ADGRV1: variants seen among roughly 807,000 people sequenced by gnomAD.
ADGRV1 encodes the protein G-protein coupled receptor 98.
A neutral mutation model predicts 596.2 loss-of-function variants in ADGRV1; 359 were observed. The ratio of observed to expected loss-of-function variants is 0.60; its 90% confidence interval spans 0.55 to 0.66. The LOEUF (loss-of-function observed/expected upper bound fraction) is 0.66, where lower values mean the gene tolerates loss of function less well. Among genes scored for constraint, ADGRV1 ranks in the 30% least tolerant of loss-of-function variants. The pLI is 0.00. For synonymous variants in ADGRV1, 2,681 were observed against 2,679.2 expected (o/e 1.00, Z -0.02); for missense variants, 7,274 against 7,575.6 (o/e 0.96, Z 1.48).
rs1780417670 is a variant in ADGRV1, at chr5:90,985,500, T to A, written c.18130T>A (p.Tyr6044Asn). The part of the protein sequence containing the change: ...GIYHQSMSQI[Y>N]GLIHGDLCFI... ...CTATCATCAGAGCATGTCACAGATC[T>A]ATGGACTCATTCATGGTGACCTGTA... Residue 6044 changes from tyrosine to asparagine, a missense_variant, in exon 85 of 90, where the codon TAT (tyrosine) becomes AAT (asparagine). This residue lies in a region of ADGRV1 where 1,874 missense variants were observed against 1,970.2 expected (regional missense o/e 0.95). Coordinates refer to ENST00000405460, the MANE Select transcript of ADGRV1 (RefSeq NM_032119.4). 1 of 1,613,808 alleles carries A rather than the reference T, an allele frequency of 6.2e-7. No homozygotes were observed. Among genetic ancestry groups the A allele is most frequent in the Non-Finnish European group, 8.5e-7 (1 of 1,179,712 alleles).
At chr5:90,967,412 A>G (rs553949449) in intron 84 of ADGRV1, among the ~76,000 whole-genome samples, 1 of 152,360 alleles carries the variant, frequency 6.6e-6, no homozygotes, top group African/African-American at 2.4e-5. Flanking sequence ...TTTAAACCAT[A>G]TAACATAAAA....
intron 70 of ADGRV1, among the ~76,000 whole-genome samples, 184 bp from the exon 71 acceptor site, chr5:90,802,555 A>C (rs1249918519): frequency 6.6e-6 from 1 of 152,104 alleles, no homozygotes; most frequent in Non-Finnish European, 1.5e-5. Context: ...TATACTCTAC[A>C]TCTTCCACTC....
rs1025127670 is a variant in ADGRV1 at position 90,977,109 on chromosome 5, C to G, written c.17974-8235C>G. ...GCTAAAATTAGCCTTGTTTCTCGTT[C>G]ATCGTTGATTTAATTTTGGGGGACA... On this transcript the variant is annotated intron_variant, in intron 84 of 89. Transcript: ENST00000405460. Among the ~76,000 whole-genome samples the G allele has an allele frequency of 2.0e-5, 3 of 152,212 alleles. No individual in the cohort carries two copies. The East Asian group carries it at 5.8e-4, about 29-fold the overall frequency.
rs60659185 is a variant in ADGRV1, at chr5:90,809,293, T to TACACACACACACACACACACACACAC, written c.14973-931_14973-906dup. On this transcript the variant is annotated intron_variant, in intron 73 of 89. Transcript: ENST00000405460. ...GTGCTTACTCTAGGCCGGGCATAAA[T>TACACACACACACACACACACACACAC]ACACACACACACACACACACACACA... Among the ~76,000 whole-genome samples, 91 of 134,622 alleles carry TACACACACACACACACACACACACAC rather than the reference T, an allele frequency of 6.8e-4. 1 individual carries two copies. Among genetic ancestry groups the TACACACACACACACACACACACACAC allele is most frequent in the African/African-American group, 1.4e-3 (48 of 35,386 alleles). 88.3% of individuals were successfully genotyped at this position (134,622 alleles called of 152,430 possible). A position where few individuals can be genotyped will look rare whatever the true frequency, so the allele number is the denominator to read the frequency against.
At chr5:90,701,368 C>T (rs1467606302) in intron 34 of ADGRV1, among the ~76,000 whole-genome samples, 6 of 151,900 alleles carry the variant, frequency 3.9e-5, no homozygotes, top group Non-Finnish European at 8.8e-5. Flanking sequence ...CTGATATGTC[C>T]AGTCATTTTT....
rs1581250783 is a variant in ADGRV1, at chr5:90,828,938, TGTCAGGTACCACAGGTTGAAGTGTA to T, written c.16369-5_16388del. The T allele has an allele frequency of 1.3e-6, 2 of 1,532,006 alleles. No individual in the cohort carries two copies. The highest frequency in any genetic ancestry group is 1.4e-5 in the South Asian group (1 of 73,960). 94.9% of individuals were successfully genotyped at this position (1,532,006 alleles called of 1,614,324 possible). On this transcript the variant is annotated splice_acceptor_variant and splice_polypyrimidine_tract_variant and coding_sequence_variant and intron_variant, in exon 77 of 90. Coordinates refer to ENST00000405460, the MANE Select transcript of ADGRV1 (RefSeq NM_032119.4). LOFTEE classifies it high-confidence loss of function. ...GTTGTTTTTTTTTCCTTTTTCTCAT[TGTCAGGTACCACAGGTTGAAGTGTA>T]TTTTTTTGTGGAACTATATGAAGCT...
chr5:90,611,860 C>T (rs1427968743), intron 1 of ADGRV1, among the ~76,000 whole-genome samples: 1 of 151,906 alleles, frequency 6.6e-6, no homozygotes. Flanking sequence ...GTGTACCTAG[C>T]TACTCTAAAA....
intron 5 of ADGRV1, among the ~76,000 whole-genome samples, chr5:90,624,145 A>G (rs1040893187): frequency 4.6e-5 from 7 of 152,198 alleles, no homozygotes; most frequent in Admixed American, 4.6e-4. Context: ...TATGGTAGTT[A>G]TGTTAACTAC....
At chr5:90,883,092 C>G (rs1769947903) in intron 83 of ADGRV1, among the ~76,000 whole-genome samples, 2 of 152,070 alleles carry the variant, frequency 1.3e-5, no homozygotes, top group African/African-American at 4.8e-5. Flanking sequence ...GTGAGTATAT[C>G]TATAAAACTG....
At chr5:90,819,947 C>T (rs1331988009) in intron 75 of ADGRV1, among the ~76,000 whole-genome samples, 1 of 151,064 alleles carries the variant, frequency 6.6e-6, no homozygotes, top group Non-Finnish European at 1.5e-5. Context: ...TGGTGCAGAG[C>T]TGAGTTCAAT....
At chr5:90,722,947 T>G (rs1488127896) in intron 45 of ADGRV1, among the ~76,000 whole-genome samples, 1 of 151,798 alleles carries the variant, frequency 6.6e-6, no homozygotes, top group Non-Finnish European at 1.5e-5. Context: ...AAAGGAGACT[T>G]AGGGGACCTG....
chr5:90,566,548 T>A (rs1052391788), intron 1 of ADGRV1, among the ~76,000 whole-genome samples: 22 of 152,120 alleles, frequency 1.4e-4, no homozygotes, highest in Admixed American at 3.9e-4. Flanking sequence ...TTTTACATAT[T>A]TTGTTAAATT....
chr5:90,595,393 C>A (rs867328051), intron 1 of ADGRV1, among the ~76,000 whole-genome samples: 264 of 20,550 alleles, frequency 0.013, 3 homozygotes, highest in Middle Eastern at 0.05. Context: ...GGGGGCTGAC[C>A]CCCCCACCTC....
intron 87 of ADGRV1, among the ~76,000 whole-genome samples, chr5:91,139,537 T>A (rs1794927810): frequency 6.6e-6 from 1 of 152,234 alleles, no homozygotes; most frequent in Non-Finnish European, 1.5e-5. Context: ...TCTCTTCAAA[T>A]GGAACACCTG....
intron 83 of ADGRV1, among the ~76,000 whole-genome samples, chr5:90,864,177 CTG>C (rs1298106673): frequency 6.6e-6 from 1 of 151,718 alleles, no homozygotes; most frequent in African/African-American, 2.4e-5. Flanking sequence ...TTTTATTAAT[CTG>C]TTTGAAATAT....
chr5:91,112,518 C>T (rs949187933), intron 87 of ADGRV1, among the ~76,000 whole-genome samples: 20 of 152,160 alleles, frequency 1.3e-4, no homozygotes, highest in African/African-American at 4.6e-4. Flanking sequence ...AAGATGCGTA[C>T]GTCCTCTTTA....
chr5:90,912,503 C>T (rs144293628), intron 83 of ADGRV1, among the ~76,000 whole-genome samples: 340 of 152,202 alleles, frequency 2.2e-3, no homozygotes, highest in African/African-American at 7.8e-3. Context: ...AGCATAGCAC[C>T]GAGTAGTTAG....
intron 52 of ADGRV1, among the ~76,000 whole-genome samples, chr5:90,746,632 CTT>C (rs1754661612): frequency 6.6e-6 from 1 of 152,156 alleles, no homozygotes; most frequent in Non-Finnish European, 1.5e-5. Flanking sequence ...ACAAAATTGA[CTT>C]TCATTTGGTT....
intron 83 of ADGRV1, among the ~76,000 whole-genome samples, chr5:90,920,170 T>C (rs1773752171): frequency 6.6e-6 from 1 of 152,050 alleles, no homozygotes; most frequent in South Asian, 2.1e-4. Context: ...TGCCAACAGG[T>C]TCAGTGTCTG....
Sources: allele counts gnomAD v4.1 joint callset (sites outside exome capture counted in the v4.1 genomes callset), GRCh38; gene constraint gnomAD v4.1.1; regional missense constraint gnomAD v4.1.1; transcripts MANE v1.5; gene names NCBI Gene and HGNC (gene_info 2026-07-23, HGNC 2026-07-21).